The following GRAMD2B variants were observed in gnomAD, a reference collection of about 807,000 sequenced individuals.
GRAMD2B encodes GRAM domain containing 2B.
A neutral mutation model predicts 59.2 loss-of-function variants in GRAMD2B; 41 were observed. That is an observed-to-expected ratio of 0.69 (90% CI 0.54 to 0.90). The LOEUF (loss-of-function observed/expected upper bound fraction) is 0.90. Among genes scored for constraint, GRAMD2B ranks in the 40% least tolerant of loss-of-function variants. The pLI is 0.00. For synonymous variants in GRAMD2B, 161 were observed against 182.7 expected (o/e 0.88, Z 0.96); for missense variants, 424 against 500.5 (o/e 0.85, Z 1.46).
At chr5:126,468,400 T>C (rs1262857961) in intron 2 of GRAMD2B, among the ~76,000 whole-genome samples, 4 of 152,234 alleles carry the variant, frequency 2.6e-5, no homozygotes, top group Non-Finnish European at 5.9e-5. Context: ...CTTTTCCTCA[T>C]ACCCAATTCT....
At chr5:126,418,402 A>G (rs137945724) in intron 1 of GRAMD2B, among the ~76,000 whole-genome samples, 2 of 152,316 alleles carry the variant, frequency 1.3e-5, no homozygotes, top group Non-Finnish European at 2.9e-5. Flanking sequence ...AATTAACCAG[A>G]TTTAAATTAG....
chr5:126,420,310 T>A (rs935633446), upstream of GRAMD2B, among the ~76,000 whole-genome samples: 1 of 152,216 alleles, frequency 6.6e-6, no homozygotes, highest in African/African-American at 2.4e-5. Flanking sequence ...CTGCCGTGCC[T>A]CTTGAATACT....
intron 1 of GRAMD2B, among the ~76,000 whole-genome samples, chr5:126,413,543 T>C (rs1759011104): frequency 6.6e-6 from 1 of 152,046 alleles, no homozygotes; most frequent in South Asian, 2.1e-4. Flanking sequence ...TCCTGAAGTA[T>C]GTTCCATGTG....
rs150041869 is a variant in GRAMD2B, at chr5:126,443,847, C to T, written c.83+20158C>T. Among the ~76,000 whole-genome samples, 1,190 of 152,130 alleles carry T rather than the reference C, an allele frequency of 7.8e-3. 23 individuals carry two copies. Among genetic ancestry groups the T allele is most frequent in the African/African-American group, 0.027 (1,139 of 41,494 alleles). On this transcript the variant is annotated intron_variant, in intron 1 of 13. Transcript: ENST00000285689. ...GGTGGATCGCCTGAGGTCAAGAGTT[C>T]GAGACCAGCCTGGCCAACATAGTGA...
At chr5:126,469,645 T>A in intron 2 of GRAMD2B, 32 bp from the exon 3 acceptor site, 2 of 1,461,374 alleles carry the variant, frequency 1.4e-6, no homozygotes, top group Non-Finnish European at 1.9e-6. Context: ...AAAAAAATTA[T>A]CTTATAGACA....
upstream of GRAMD2B, among the ~76,000 whole-genome samples, chr5:126,421,153 T>A (rs1024855732): frequency 8.5e-5 from 13 of 152,176 alleles, no homozygotes; most frequent in Non-Finnish European, 1.2e-4. Flanking sequence ...AAAAAAAAGT[T>A]TTGGGTACAG....
intron 6 of GRAMD2B, among the ~76,000 whole-genome samples, chr5:126,479,801 A>G (rs894318330): frequency 6.6e-6 from 1 of 152,270 alleles, no homozygotes; most frequent in African/African-American, 2.4e-5. Context: ...ATAGATGGAA[A>G]AAAAGTAAAT....
At chr5:126,434,393 T>C (rs980414646) in intron 1 of GRAMD2B, among the ~76,000 whole-genome samples, 1 of 152,204 alleles carries the variant, frequency 6.6e-6, no homozygotes, top group African/African-American at 2.4e-5. Flanking sequence ...TTGTACATTA[T>C]GGTAATTTGT....
chr5:126,363,563 A>T (rs1754315685), intron 1 of GRAMD2B, among the ~76,000 whole-genome samples: 1 of 152,236 alleles, frequency 6.6e-6, no homozygotes, highest in South Asian at 2.1e-4. Flanking sequence ...AGTCTCCATC[A>T]ACTAAATAAT....
At chr5:126,453,933 T>C (rs1227612537) in intron 1 of GRAMD2B, among the ~76,000 whole-genome samples, 4 of 152,230 alleles carry the variant, frequency 2.6e-5, no homozygotes, top group Admixed American at 2.6e-4. Flanking sequence ...AATAGATGTC[T>C]AGGCAATAAG....
intron 8 of GRAMD2B, among the ~76,000 whole-genome samples, chr5:126,481,218 AGAAAGAAAGAAAG>A (rs1561598900): frequency 5.8e-5 from 2 of 34,746 alleles, no homozygotes; most frequent in African/African-American, 1.8e-4. Flanking sequence ...AAAGAAAGAA[AGAAAGAAAGAAAG>A]AAAGAAAGAA....
chr5:126,420,070 A>AAC (rs1331581210), upstream of GRAMD2B, among the ~76,000 whole-genome samples: 9 of 148,130 alleles, frequency 6.1e-5, no homozygotes, highest in Admixed American at 2.0e-4. Context: ...AAAAAAAAAA[A>AAC]AAAGAAAGAA....
At chr5:126,410,695 T>G (rs1256495731) in intron 1 of GRAMD2B, among the ~76,000 whole-genome samples, 1 of 152,082 alleles carries the variant, frequency 6.6e-6, no homozygotes, top group Non-Finnish European at 1.5e-5. Flanking sequence ...TGAACTAATT[T>G]ACATTCCCAC....
At chr5:126,383,428 G>T (rs917043735) in intron 1 of GRAMD2B, among the ~76,000 whole-genome samples, 2 of 152,220 alleles carry the variant, frequency 1.3e-5, no homozygotes, top group Non-Finnish European at 2.9e-5. Context: ...AAGCACATAA[G>T]TGATGAATGA....
chr5:126,470,782 C>T (rs1769410783), intron 3 of GRAMD2B, among the ~76,000 whole-genome samples: 2 of 152,118 alleles, frequency 1.3e-5, no homozygotes, highest in East Asian at 1.9e-4. Context: ...TCATCTCAAA[C>T]TCCTGGCCTC....
At chr5:126,423,285 C>A, upstream of GRAMD2B, 1 of 1,180,036 alleles carries the variant, frequency 8.5e-7, no homozygotes, top group Non-Finnish European at 1.0e-6. Flanking sequence ...CTTCCTCTCC[C>A]GAAAGACTCG....
chr5:126,404,096 T>C (rs896996104), intron 1 of GRAMD2B, among the ~76,000 whole-genome samples: 4 of 151,916 alleles, frequency 2.6e-5, no homozygotes, highest in African/African-American at 9.7e-5. Flanking sequence ...TGTGGTGCTA[T>C]GGAAATGCTA....
intron 1 of GRAMD2B, among the ~76,000 whole-genome samples, chr5:126,440,792 T>C (rs1763155135): frequency 6.6e-6 from 1 of 152,182 alleles, no homozygotes; most frequent in African/African-American, 2.4e-5. Flanking sequence ...CAAAGGACCA[T>C]CGTTCTGTAT....
chr5:126,392,711 G>T (rs1470612450), intron 1 of GRAMD2B, among the ~76,000 whole-genome samples: 1 of 151,886 alleles, frequency 6.6e-6, no homozygotes, highest in Non-Finnish European at 1.5e-5. Flanking sequence ...TCATGGGAGG[G>T]TGAGGTGGGG....
Sources: allele counts gnomAD v4.1 joint callset (sites outside exome capture counted in the v4.1 genomes callset), GRCh38; gene constraint gnomAD v4.1.1; transcripts MANE v1.5; gene names NCBI Gene and HGNC (gene_info 2026-07-23, HGNC 2026-07-21).